Variants in ENOX1 observed in about 807,000 individuals in gnomAD.
ENOX1 encodes the protein ecto-NOX disulfide-thiol exchanger 1.
A neutral mutation model predicts 82.5 loss-of-function variants in ENOX1; 42 were observed. That is an observed-to-expected ratio of 0.51 (90% CI 0.40 to 0.66). ENOX1 has a LOEUF of 0.66. Ranked by LOEUF, ENOX1 falls within the 30% of genes least tolerant of loss-of-function variation. ENOX1 has a pLI of 0.00. For missense variants in ENOX1, 608 were observed against 811.6 expected (o/e 0.75, Z 3.05); for synonymous variants, 271 against 282.2 (o/e 0.96, Z 0.40).
intron 1 of ENOX1, among the ~76,000 whole-genome samples, chr13:43,713,080 T>A (rs1347704234): frequency 2.0e-5 from 3 of 152,160 alleles, no homozygotes; most frequent in Admixed American, 1.3e-4. Context: ...ATTTTGAGAT[T>A]CGTCCCATCA....
rs369792144 is a variant in ENOX1 at position 43,646,732 on chromosome 13, G to A, written c.-219+20747C>T. Among the ~76,000 whole-genome samples, 246 of 152,240 alleles carry A rather than the reference G, an allele frequency of 1.6e-3. 1 individual carries two copies. Among genetic ancestry groups the A allele is most frequent in the African/African-American group, 4.7e-3 (196 of 41,536 alleles). On this transcript the variant is annotated intron_variant, in intron 2 of 16. Transcript: ENST00000690772. ...CAATCATGCTCTCCAGTTTACCCCAGGGTGACAAAAGCCAGATAGAGTCTT... is the reference window on the plus strand; with the variant it reads ...CAATCATGCTCTCCAGTTTACCCCAAGGTGACAAAAGCCAGATAGAGTCTT...
chr13:43,707,638 C>T (rs1016150967), intron 1 of ENOX1, among the ~76,000 whole-genome samples: 18 of 143,752 alleles, frequency 1.3e-4, no homozygotes, highest in African/African-American at 4.4e-4. Context: ...GAGGCTGAGG[C>T]AGGAGAATGG....
At chr13:43,744,060 C>T (rs539650944) in intron 1 of ENOX1, among the ~76,000 whole-genome samples, 21 of 152,266 alleles carry the variant, frequency 1.4e-4, no homozygotes, top group Admixed American at 1.2e-3. Flanking sequence ...AAAACTGTTG[C>T]GTTGGTGATG....
At chr13:43,417,069 C>T (rs961329208) in intron 3 of ENOX1, among the ~76,000 whole-genome samples, 3 of 152,226 alleles carry the variant, frequency 2.0e-5, no homozygotes, top group East Asian at 3.9e-4. Flanking sequence ...ACCAGTCAGG[C>T]GTGGTGGCGT....
At chr13:43,406,355 G>T (rs2053792734) in intron 5 of ENOX1, among the ~76,000 whole-genome samples, 1 of 152,116 alleles carries the variant, frequency 6.6e-6, no homozygotes, top group Admixed American at 6.5e-5. Context: ...TTCTGAAAAA[G>T]AAACAGCAAG....
intron 14 of ENOX1, among the ~76,000 whole-genome samples, chr13:43,248,438 T>C (rs2043264048): frequency 1.3e-5 from 2 of 151,930 alleles, no homozygotes; most frequent in African/African-American, 4.8e-5. Context: ...ACATTTATTG[T>C]AGTATCATTT....
At chr13:43,564,829 G>A (rs1169717766) in intron 2 of ENOX1, among the ~76,000 whole-genome samples, 1 of 152,036 alleles carries the variant, frequency 6.6e-6, no homozygotes, top group Non-Finnish European at 1.5e-5. Context: ...TTTCCAGGCT[G>A]GTCCCTGCAG....
At chr13:43,278,756 G>A (rs1379705614) in intron 12 of ENOX1, among the ~76,000 whole-genome samples, 1 of 152,076 alleles carries the variant, frequency 6.6e-6, no homozygotes, top group African/African-American at 2.4e-5. Flanking sequence ...CTATAATCAA[G>A]AATCAAAGTT....
chr13:43,296,677 T>TG (rs1459811243), intron 12 of ENOX1, among the ~76,000 whole-genome samples: 1 of 152,230 alleles, frequency 6.6e-6, no homozygotes, highest in Non-Finnish European at 1.5e-5. Flanking sequence ...ACTGCTCCTT[T>TG]GTGGACCAGG....
chr13:43,480,197 C>T (rs1309051324), intron 3 of ENOX1, among the ~76,000 whole-genome samples: 1 of 152,106 alleles, frequency 6.6e-6, no homozygotes, highest in Admixed American at 6.6e-5. Context: ...CCTCGGCCTC[C>T]CAAAGTGCTT....
rs374108888 is a variant in ENOX1, at chr13:43,579,071, C to A, written c.-219+88408G>T. Among the ~76,000 whole-genome samples the A allele has an allele frequency of 2.4e-4, 37 of 151,694 alleles. No homozygotes were observed. In the South Asian group the frequency reaches 7.5e-3, roughly 31 times the overall value. On this transcript the variant is annotated intron_variant, in intron 2 of 16. Coordinates refer to ENST00000690772, the MANE Select transcript of ENOX1 (RefSeq NM_001347969.2). ...TAACCTTCTTATGACTTAGTCTCATCATTAAAATCAAGGGATTAATATTAA... is the reference window on the plus strand; with the variant it reads ...TAACCTTCTTATGACTTAGTCTCATAATTAAAATCAAGGGATTAATATTAA...
chr13:43,356,514 A>AT (rs563901140), intron 7 of ENOX1, among the ~76,000 whole-genome samples: 2 of 151,654 alleles, frequency 1.3e-5, no homozygotes, highest in Admixed American at 6.6e-5. Flanking sequence ...GGCATGGAGC[A>AT]TTTTTTTTCT....
chr13:43,691,436 A>G (rs2086359668), intron 1 of ENOX1, among the ~76,000 whole-genome samples: 2 of 152,052 alleles, frequency 1.3e-5, no homozygotes, highest in South Asian at 4.1e-4. Context: ...AGATAGTATC[A>G]TGCCTTTGTA....
intron 5 of ENOX1, among the ~76,000 whole-genome samples, chr13:43,370,042 C>T (rs979942256): frequency 6.6e-6 from 1 of 152,218 alleles, no homozygotes; most frequent in Non-Finnish European, 1.5e-5. Flanking sequence ...CCTGCACCCT[C>T]AGGTTTGTGA....
chr13:43,481,667 T>C (rs1366278380), intron 3 of ENOX1, among the ~76,000 whole-genome samples: 5 of 152,060 alleles, frequency 3.3e-5, no homozygotes, highest in Non-Finnish European at 5.9e-5. Flanking sequence ...AGTAGAATTA[T>C]ATCAAATTAA....
intron 2 of ENOX1, among the ~76,000 whole-genome samples, chr13:43,667,021 A>T (rs2085016585): frequency 6.6e-6 from 1 of 152,212 alleles, no homozygotes; most frequent in Non-Finnish European, 1.5e-5. Flanking sequence ...TGTTTGGGCA[A>T]ATCAAAGTTG....
chr13:43,242,986 A>T, intron 14 of ENOX1, among the ~76,000 whole-genome samples: 1 of 152,136 alleles, frequency 6.6e-6, no homozygotes, highest in East Asian at 1.9e-4. Context: ...CCATACAAAA[A>T]TTAGCCGAGC....
intron 1 of ENOX1, among the ~76,000 whole-genome samples, chr13:43,673,362 T>G (rs914159506): frequency 6.6e-6 from 1 of 152,090 alleles, no homozygotes; most frequent in African/African-American, 2.4e-5. Context: ...CACTTTTCAG[T>G]CCCTAGGTGC....
chr13:43,412,163 C>CAAAAAAA, intron 4 of ENOX1, 110 bp from the exon 5 acceptor site: 1 of 1,055,678 alleles, frequency 9.5e-7, no homozygotes, highest in Non-Finnish European at 1.3e-6. Flanking sequence ...TCCCAAACTA[C>CAAAAAAA]AAAAAAAAAA....
Sources: gnomAD v4.1 joint callset for allele counts (sites outside exome capture counted in the v4.1 genomes callset) on GRCh38, gnomAD v4.1.1 for gene constraint, MANE v1.5 for transcripts, NCBI Gene and HGNC (gene_info 2026-07-23, HGNC 2026-07-21) for gene names.